Variants in KIAA1614 observed in about 807,000 individuals in gnomAD.
KIAA1614 encodes the protein uncharacterized protein KIAA1614.
In KIAA1614, 76 loss-of-function variants were observed where a neutral mutation model predicts 88.7. The observed-to-expected ratio is 0.86, with a 90% CI of 0.71 to 1.04. The LOEUF is 1.04. Among genes scored for constraint, KIAA1614 ranks in the 50% least tolerant of loss-of-function variants. The pLI is 0.00. For synonymous variants in KIAA1614, 714 were observed against 675.5 expected, an observed-to-expected ratio of 1.06 and a Z score of -0.88; for missense variants, 1,553 against 1,582.5, an observed-to-expected ratio of 0.98 and a Z score of 0.32.
intron 6 of KIAA1614, among the ~76,000 whole-genome samples, 165 bp from the exon 7 acceptor site, chr1:180,940,880 A>G (rs1441585856): frequency 2.6e-5 from 4 of 151,788 alleles, no homozygotes; most frequent in Non-Finnish European, 5.9e-5. Flanking sequence ...CCCGGCTTCC[A>G]CTTGGCCTTT....
chr1:180,950,429 G>T lies in KIAA1614; in HGVS notation c.*4841G>T. 5.0e-6 allele frequency: 6 copies of T among 1,205,644 alleles called. No individual in the cohort carries two copies. Among genetic ancestry groups the T allele is most frequent in the Non-Finnish European group, 6.3e-6 (6 of 946,696 alleles). 74.7% of individuals were successfully genotyped at this position (1,205,644 alleles called of 1,614,324 possible). ...GGGCGATGAGATCCTCGAGGTGAAC[G>T]GGGCCAAGGTGGCAGGGCTGGGCTT... On this transcript the variant is annotated 3_prime_UTR_variant, in exon 9 of 9. Coordinates refer to ENST00000367588, the MANE Select transcript of KIAA1614 (RefSeq NM_020950.2).
chr1:180,921,093 G>C (rs1657854823), intron 3 of KIAA1614, among the ~76,000 whole-genome samples: 1 of 152,142 alleles, frequency 6.6e-6, no homozygotes, highest in Admixed American at 6.6e-5. Context: ...ATTTCACCTG[G>C]GTGCAGAAGG....
At chr1:180,945,226 T>C (rs1247098767) in intron 8 of KIAA1614, 77 bp from the exon 9 acceptor site, 1 of 1,454,354 alleles carries the variant, frequency 6.9e-7, no homozygotes, top group Non-Finnish European at 9.1e-7. Flanking sequence ...GAGGCATCGG[T>C]CATCTGTAAG....
At position 180,936,382 on chromosome 1, in the gene KIAA1614, G is replaced by T; in HGVS notation, c.2473G>T (p.Ala825Ser). 6.2e-7 allele frequency: 1 copy of T among 1,614,202 alleles called. No individual in the cohort carries two copies. The highest frequency in any genetic ancestry group is 8.5e-7 in the Non-Finnish European group (1 of 1,180,026). Residue 825 changes from alanine to serine, a missense_variant, in exon 5 of 9, where the codon GCA becomes TCA. By Grantham distance (99) the Ala-to-Ser change is moderately conservative. Coordinates refer to ENST00000367588, the MANE Select transcript of KIAA1614 (RefSeq NM_020950.2). Reference protein sequence around the residue: ...KTTSPVSHRKAALAGLLRLGD... With the variant: ...KTTSPVSHRKSALAGLLRLGD... ...CACCTCGCCAGTGTCTCACAGGAAG[G>T]CAGCCCTGGCTGGACTGCTCAGGCT...
chr1:180,918,397 C>T (rs573560949), intron 3 of KIAA1614, among the ~76,000 whole-genome samples: 31 of 152,224 alleles, frequency 2.0e-4, no homozygotes, highest in Non-Finnish European at 3.7e-4. Context: ...ACCATGCTAT[C>T]CCACGGCCTT....
rs750782922 is a variant in KIAA1614 at position 180,945,436 on chromosome 1, G to C, written c.3421G>C (p.Gly1141Arg). Residue 1141 changes from glycine to arginine, a missense_variant, in exon 9 of 9, where the codon GGG (glycine) becomes CGG (arginine). By Grantham distance (125) the Gly-to-Arg change is moderately radical. Coordinates refer to ENST00000367588, the MANE Select transcript of KIAA1614 (RefSeq NM_020950.2). ...CCAGCTGCAGCTGCAGCGCTCCCCAGGGGGCACTTTCGGCTTCTGCGTGGC... is the reference window on the plus strand; with the variant it reads ...CCAGCTGCAGCTGCAGCGCTCCCCACGGGGCACTTTCGGCTTCTGCGTGGC... ...TSQLQLQRSP[G>R]GTFGFCVASG... 3.7e-6 allele frequency: 6 copies of C among 1,611,462 alleles called. No homozygotes were observed. Among genetic ancestry groups the C allele is most frequent in the Non-Finnish European group, 5.1e-6 (6 of 1,179,348 alleles).
At position 180,945,649 on chromosome 1, in the gene KIAA1614, G is replaced by A; in HGVS notation, c.*61G>A. On this transcript the variant is annotated 3_prime_UTR_variant, in exon 9 of 9. Coordinates refer to ENST00000367588, the MANE Select transcript of KIAA1614 (RefSeq NM_020950.2). ...TACAGGACTAGGCTTCTCCCCTCAG[G>A]GGCTCTTTCTGAATTGTCCAGGGCT... is the stretch of plus-strand genomic sequence containing the variant. 2 of 1,506,738 alleles carry A rather than the reference G, an allele frequency of 1.3e-6. No individual in the cohort carries two copies. Among genetic ancestry groups the A allele is most frequent in the South Asian group, 1.3e-5 (1 of 77,452 alleles). The allele number at this position is 1,506,738 out of a possible 1,614,324, so 93.3% of individuals were successfully genotyped here. A position where few individuals can be genotyped will look rare whatever the true frequency, so the allele number is the denominator to read the frequency against.
Position 180,945,699 on chromosome 1 carries a change from C to G in KIAA1614, c.*111C>G, listed in dbSNP as rs1654576548. ...TCTCTAGGAGTCTGCACCTGCAGAG[C>G]CTTTGCCCTAGGCAACTGCAGCTGA... is the stretch of plus-strand genomic sequence containing the variant. On this transcript the variant is annotated 3_prime_UTR_variant, in exon 9 of 9. Coordinates refer to ENST00000367588, the MANE Select transcript of KIAA1614 (RefSeq NM_020950.2). The G allele has an allele frequency of 7.1e-7, 1 of 1,417,732 alleles. No homozygotes were observed. Among genetic ancestry groups the G allele is most frequent in the Non-Finnish European group, 9.1e-7 (1 of 1,096,136 alleles). The allele number at this position is 1,417,732 out of a possible 1,614,324, so 87.8% of individuals were successfully genotyped here.
At chr1:180,940,260 G>A (rs1654426199) in intron 6 of KIAA1614, among the ~76,000 whole-genome samples, 2 of 152,338 alleles carry the variant, frequency 1.3e-5, no homozygotes, top group African/African-American at 4.8e-5. Flanking sequence ...CAGCACATTG[G>A]GAGGATGAGG....
intron 4 of KIAA1614, among the ~76,000 whole-genome samples, chr1:180,931,817 T>A (rs1654202809): frequency 6.6e-6 from 1 of 152,146 alleles, no homozygotes; most frequent in African/African-American, 2.4e-5. Context: ...TTTTCCTCCC[T>A]AGAAATTACA....
In KIAA1614 at chr1:180,935,199, C is replaced by T. The variant is rs764375654; in HGVS notation, c.1290C>T (p.Ser430=). 1.3e-6 allele frequency: 2 copies of T among 1,503,430 alleles called. No homozygotes were observed. The highest frequency in any genetic ancestry group is 2.6e-5 in the East Asian group (1 of 38,880). 93.1% of individuals were successfully genotyped at this position (1,503,430 alleles called of 1,614,324 possible). A position where few individuals can be genotyped will look rare whatever the true frequency, so the allele number is the denominator to read the frequency against. ...DSLQNGHTSD[S]SSGESSGGHR... The stretch of plus-strand genomic sequence containing the variant: ...TCCAGAACGGGCACACGAGCGATTC[C>T]TCCAGCGGAGAGTCCAGCGGTGGGC... Residue 430 remains serine (S), a synonymous_variant, in exon 5 of 9, where the codon TCC becomes TCT. Coordinates refer to ENST00000367588, the MANE Select transcript of KIAA1614 (RefSeq NM_020950.2). The surrounding 1 kb of genome is among the most constrained non-coding windows in gnomAD (Gnocchi z 6.1).
At chr1:180,945,046 C>T in intron 8 of KIAA1614, 1 of 502,090 alleles carries the variant, frequency 2.0e-6, no homozygotes, top group Admixed American at 4.0e-5. Context: ...TCTCTGTACC[C>T]CCCAAAATTT....
chr1:180,928,422 C>T lies in KIAA1614; in HGVS notation c.1062-8C>T, dbSNP rs759520220. The T allele has an allele frequency of 3.9e-5, 62 of 1,594,986 alleles. No homozygotes were observed. The highest frequency in any genetic ancestry group is 1.1e-4 in the East Asian group (5 of 43,968). On this transcript the variant is annotated splice_region_variant and splice_polypyrimidine_tract_variant and intron_variant, in intron 3 of 8. Coordinates refer to ENST00000367588, the MANE Select transcript of KIAA1614 (RefSeq NM_020950.2). The stretch of plus-strand genomic sequence containing the variant: ...CCCCACCACCCTGGCCTGTGTGCCA[C>T]GCTGCAGGACCGTTGGTCCCAACCC...
At chr1:180,914,268 C>T (rs1017125609) in intron 1 of KIAA1614, among the ~76,000 whole-genome samples, 3 of 152,204 alleles carry the variant, frequency 2.0e-5, no homozygotes, top group African/African-American at 7.2e-5. Flanking sequence ...CTGAGTCAAA[C>T]CCCTGCTCAC....
Position 180,941,281 on chromosome 1 carries a change from A to T in KIAA1614, c.3155A>T (p.His1052Leu). Residue 1052 changes from histidine to leucine, a missense_variant, in exon 7 of 9, where the codon CAC (histidine) becomes CTC (leucine). His to Leu is a moderately conservative substitution (Grantham distance 99, BLOSUM62 -3). Transcript: ENST00000367588. ...QSRAPSLQSL[H>L]PVSPSHQRRK... ...AGGGCCCCATCGTTACAATCCCTGC[A>T]CCCGGTGAGTCCAGGGGCCCCAGCC... is the stretch of plus-strand genomic sequence containing the variant. 1 of 1,606,304 alleles carries T rather than the reference A, an allele frequency of 6.2e-7. No individual in the cohort carries two copies. Among genetic ancestry groups the T allele is most frequent in the Non-Finnish European group, 8.5e-7 (1 of 1,174,510 alleles).
chr1:180,941,572 G>A (rs2102275106), intron 7 of KIAA1614, among the ~76,000 whole-genome samples: 1 of 152,264 alleles, frequency 6.6e-6, no homozygotes. Flanking sequence ...GTCTCGGAGA[G>A]TTGACAGCCT....
In KIAA1614 at chr1:180,916,657, C is replaced by A; in HGVS notation, c.554C>A (p.Pro185Gln). The A allele has an allele frequency of 6.2e-7, 1 of 1,600,648 alleles. No homozygotes were observed. The highest frequency in any genetic ancestry group is 8.5e-7 in the Non-Finnish European group (1 of 1,172,136). ...CGTGAGTACTGCAACAGGGGGAGCC[C>A]GTGGCCTCCAGAAGCCGAATGGACA... is the stretch of plus-strand genomic sequence containing the variant. The part of the protein sequence containing the change: ...PGREYCNRGS[P>Q]WPPEAEWTLP... The change falls in exon 2 of 9, where the codon CCG becomes CAG. Residue 185 changes from proline to glutamine, a missense_variant. Physicochemically the swap from Pro to Gln is moderately conservative, Grantham distance 76 (BLOSUM62 -1). Transcript: ENST00000367588.
chr1:180,943,550 C>CTT (rs60128001), intron 7 of KIAA1614, among the ~76,000 whole-genome samples: 1 of 98,186 alleles, frequency 1.0e-5, no homozygotes, highest in Non-Finnish European at 1.9e-5. Flanking sequence ...GGTAGTAGAT[C>CTT]TTTTTTTTTT....
chr1:180,916,563 G>C lies in KIAA1614; in HGVS notation c.460G>C (p.Gly154Arg), dbSNP rs183595049. Residue 154 changes from glycine to arginine, a missense_variant, in exon 2 of 9, where the codon GGC (glycine) becomes CGC (arginine). Gly to Arg is a moderately radical substitution (Grantham distance 125, BLOSUM62 -2). Transcript: ENST00000367588. Reference protein sequence around the residue: ...TQNLPDGQLDGSINEEQPARD... With the variant: ...TQNLPDGQLDRSINEEQPARD... ...AAACCTGCCTGATGGGCAGCTGGAC[G>C]GCAGCATCAATGAGGAGCAACCCGC... 10 of 1,611,692 alleles carry C rather than the reference G, an allele frequency of 6.2e-6. No homozygotes were observed. The highest frequency in any genetic ancestry group is 1.1e-5 in the South Asian group (1 of 90,972).
Sources: allele counts gnomAD v4.1 joint callset (sites outside exome capture counted in the v4.1 genomes callset), GRCh38; gene constraint gnomAD v4.1.1; non-coding constraint Gnocchi (gnomAD v3.1); transcripts MANE v1.5; gene names NCBI Gene and HGNC (gene_info 2026-07-23, HGNC 2026-07-21).